Variants in ALLC observed in about 807,000 individuals in gnomAD.
The protein encoded by ALLC is allantoicase.
A neutral mutation model predicts 45.0 loss-of-function variants in ALLC; 40 were observed. The ratio of observed to expected loss-of-function variants is 0.89; its 90% CI spans 0.69 to 1.16. ALLC has a LOEUF of 1.16. ALLC is among the 50% of genes most tolerant of loss of function. The pLI is 0.00. For synonymous variants in ALLC, 176 were observed against 178.1 expected, an observed-to-expected ratio of 0.99 and a Z score of 0.09; for missense variants, 488 against 493.1, an observed-to-expected ratio of 0.99 and a Z score of 0.10.
chr2:3,681,295 G>C (rs1175244201), intron 5 of ALLC, among the ~76,000 whole-genome samples: 25 of 152,192 alleles, frequency 1.6e-4, no homozygotes, highest in Admixed American at 1.6e-3. Context: ...ATGCCACTGG[G>C]AGAGGTGGTG....
At chr2:3,675,905 T>G (rs1667013056) in intron 3 of ALLC, among the ~76,000 whole-genome samples, 1 of 152,216 alleles carries the variant, frequency 6.6e-6, no homozygotes, top group Non-Finnish European at 1.5e-5. Flanking sequence ...AGACCGAGCC[T>G]GAGACAGTAG....
intron 7 of ALLC, among the ~76,000 whole-genome samples, chr2:3,693,000 G>T (rs1260754441): frequency 6.6e-6 from 1 of 152,204 alleles, no homozygotes; most frequent in Non-Finnish European, 1.5e-5. Flanking sequence ...CTCCTGGGAA[G>T]ACAGCCCTGC....
At chr2:3,665,925 G>C (rs1048898995) in intron 1 of ALLC, among the ~76,000 whole-genome samples, 6 of 151,938 alleles carry the variant, frequency 3.9e-5, no homozygotes, top group Admixed American at 2.6e-4. Flanking sequence ...GGAGGCTGCT[G>C]GTACCTTGAG....
intron 2 of ALLC, among the ~76,000 whole-genome samples, chr2:3,671,924 T>C (rs1324540685): frequency 2.7e-4 from 28 of 102,834 alleles, no homozygotes; most frequent in Middle Eastern, 5.0e-3. Context: ...TGGGAGGTCC[T>C]CTGGCTCTAT....
In ALLC at chr2:3,680,409, G is replaced by A. The variant is rs999020685; in HGVS notation, c.298+415G>A. On this transcript the variant is annotated intron_variant, in intron 5 of 11. Transcript: ENST00000252505. This position sits in a 1 kb window ranked among gnomAD's most constrained non-coding sequence, Gnocchi z 4.0. ...TTTGGGCTGTCCCAGTGTGTGTGAT[G>A]GGGGAGCTGCTATGGCATTTTAGGC... Among the ~76,000 whole-genome samples, 8 of 152,168 alleles carry A rather than the reference G, an allele frequency of 5.3e-5. No homozygotes were observed. The highest frequency in any genetic ancestry group is 3.3e-4 in the Admixed American group (5 of 15,272).
intron 7 of ALLC, among the ~76,000 whole-genome samples, chr2:3,687,478 C>G (rs912939001): frequency 6.6e-6 from 1 of 150,898 alleles, no homozygotes. Flanking sequence ...AGTACTCCTG[C>G]TTCAATTTTC....
chr2:3,654,422 G>C (rs536734548), upstream of ALLC, among the ~76,000 whole-genome samples: 2 of 152,378 alleles, frequency 1.3e-5, no homozygotes, highest in East Asian at 1.9e-4. Context: ...TGCACTGGGT[G>C]GTCCTGCTCA....
intron 1 of ALLC, among the ~76,000 whole-genome samples, chr2:3,668,957 T>C (rs1311721032): frequency 2.0e-5 from 3 of 152,082 alleles, no homozygotes; most frequent in African/African-American, 7.2e-5. Context: ...ATATTCCCAC[T>C]GTCCAGCAGT....
chr2:3,670,599 C>A (rs1048712955), intron 1 of ALLC, among the ~76,000 whole-genome samples: 1 of 152,144 alleles, frequency 6.6e-6, no homozygotes, highest in African/African-American at 2.4e-5. Context: ...GGCTCCAGAG[C>A]GTGGCCTGGC....
chr2:3,682,997 A>C lies in ALLC; in HGVS notation c.434A>C (p.Asn145Thr), dbSNP rs1358114163. ...LVPMTELKPG[N>T]PASGHNYFLV... Reference sequence around the variant, plus strand: ...CCCATGACTGAGCTTAAGCCAGGAAACCCTGCTTCCGGCCACAACTATTTT... The same window carrying C: ...CCCATGACTGAGCTTAAGCCAGGAACCCCTGCTTCCGGCCACAACTATTTT... The change falls in exon 7 of 12, where the codon AAC becomes ACC. Residue 145 changes from asparagine to threonine, a missense_variant. By Grantham distance (65) the Asn-to-Thr change is moderately conservative. Transcript: ENST00000252505. The C allele has an allele frequency of 1.9e-6, 3 of 1,613,832 alleles. No individual in the cohort carries two copies. The Admixed American group carries it at 5.0e-5, about 27-fold the overall frequency.
At chr2:3,696,215 G>T (rs1305516976) in intron 8 of ALLC, 60 bp from the exon 9 acceptor site, 4 of 1,342,776 alleles carry the variant, frequency 3.0e-6, no homozygotes, top group African/African-American at 2.9e-5. Context: ...TTACAGCAAT[G>T]TATTCATCCT....
intron 7 of ALLC, 48 bp from the exon 8 acceptor site, chr2:3,695,669 C>T: frequency 6.2e-7 from 1 of 1,610,076 alleles, no homozygotes; most frequent in Non-Finnish European, 8.5e-7. Context: ...GTATGATACA[C>T]AAGCAGCCAT....
Position 3,679,890 on chromosome 2 carries a change from G to C in ALLC, c.194G>C (p.Arg65Thr), listed in dbSNP as rs1391372455. 6.2e-7 allele frequency: 1 copy of C among 1,613,972 alleles called. No homozygotes were observed. Among genetic ancestry groups the C allele is most frequent in the Non-Finnish European group, 8.5e-7 (1 of 1,179,900 alleles). Residue 65 changes from arginine (R) to threonine (T), a missense_variant, in exon 5 of 12, where the codon AGG (arginine) becomes ACG (threonine). Arg to Thr is a moderately conservative substitution (Grantham distance 71). Coordinates refer to ENST00000252505, the MANE Select transcript of ALLC (RefSeq NM_018436.4). ...RIPGHDWCVL[R>T]LGIQGVIRGF... Reference sequence around the variant, plus strand: ...GCAGGTCACGACTGGTGTGTCCTCAGGCTGGGGATCCAAGGAGTCATCCGG... The same window carrying C: ...GCAGGTCACGACTGGTGTGTCCTCACGCTGGGGATCCAAGGAGTCATCCGG...
chr2:3,695,622 A>T, intron 7 of ALLC, 95 bp from the exon 8 acceptor site: 1 of 1,450,314 alleles, frequency 6.9e-7, no homozygotes, highest in Non-Finnish European at 9.5e-7. Flanking sequence ...AAGCCTACCA[A>T]GAGATGACAC....
chr2:3,651,528 A>AAAGCACCCGGCCTC, the ALLC span, among the ~76,000 whole-genome samples: 1 of 151,684 alleles, frequency 6.6e-6, no homozygotes, highest in Admixed American at 6.6e-5. Context: ...GACTCTTCAG[A>AAAGCACCCGGCCTC]AAGCACCCGG....
At chr2:3,649,756 C>G in the ALLC span, among the ~76,000 whole-genome samples, 1 of 152,238 alleles carries the variant, frequency 6.6e-6, no homozygotes, top group Non-Finnish European at 1.5e-5. Flanking sequence ...CACACAGGGA[C>G]CGGGCAGACA....
chr2:3,698,585 C>T (rs969635977), intron 10 of ALLC, among the ~76,000 whole-genome samples: 6 of 152,298 alleles, frequency 3.9e-5, no homozygotes, highest in Non-Finnish European at 8.8e-5. Context: ...TCTGTATTTA[C>T]TTTCTTATGA....
chr2:3,651,955 A>G, the ALLC span, among the ~76,000 whole-genome samples: 21 of 152,308 alleles, frequency 1.4e-4, no homozygotes, highest in African/African-American at 4.3e-4. Flanking sequence ...GTGGCCGGTG[A>G]GGGCTGAGGT....
intron 9 of ALLC, among the ~76,000 whole-genome samples, chr2:3,696,707 T>G (rs1667682273): frequency 6.6e-6 from 1 of 152,224 alleles, no homozygotes; most frequent in South Asian, 2.1e-4. Context: ...TCTGTGTATC[T>G]CAGGATTACA....
Sources: allele counts gnomAD v4.1 joint callset (sites outside exome capture counted in the v4.1 genomes callset), GRCh38; gene constraint gnomAD v4.1.1; non-coding constraint Gnocchi (gnomAD v3.1); transcripts MANE v1.5; gene names NCBI Gene and HGNC (gene_info 2026-07-23, HGNC 2026-07-21).